Variants in DENND5A observed in about 807,000 individuals in gnomAD.
DENND5A encodes the protein DENN domain-containing protein 5A.
Under a neutral mutation model 140.3 loss-of-function variants are expected in DENND5A, and 64 were observed. That is an observed-to-expected ratio of 0.46 (90% CI 0.37 to 0.56). DENND5A has a LOEUF of 0.56. DENND5A is among the 20% of genes least tolerant of loss of function. DENND5A has a pLI of 0.00. For synonymous variants in DENND5A, 605 were observed against 607.7 expected, an observed-to-expected ratio of 1.00 and a Z score of 0.07; for missense variants, 1,292 against 1,593.8, an observed-to-expected ratio of 0.81 and a Z score of 3.22.
intron 1 of DENND5A, among the ~76,000 whole-genome samples, chr11:9,249,980 C>T (rs959358577): frequency 2.4e-4 from 36 of 151,650 alleles, no homozygotes; most frequent in African/African-American, 8.2e-4. Flanking sequence ...AGCCATCGCA[C>T]CTGGCCCAAT....
intron 4 of DENND5A, among the ~76,000 whole-genome samples, chr11:9,195,061 A>G (rs1454750472): frequency 2.1e-5 from 3 of 141,610 alleles, no homozygotes; most frequent in African/African-American, 7.9e-5. Flanking sequence ...ATATTGGTAC[A>G]GCCAATAAAA....
At chr11:9,165,750 T>C in intron 11 of DENND5A, 86 bp downstream of exon 11, 3 of 1,487,542 alleles carry the variant, frequency 2.0e-6, no homozygotes, top group Non-Finnish European at 1.9e-6. Flanking sequence ...ATTTTTAAAA[T>C]CCAGAGGGAG....
intron 1 of DENND5A, among the ~76,000 whole-genome samples, chr11:9,247,791 A>T (rs1851542599): frequency 6.6e-6 from 1 of 152,170 alleles, no homozygotes; most frequent in South Asian, 2.1e-4. Context: ...AATCTGCTAG[A>T]TCTGGGAAAG....
chr11:9,259,427 G>A (rs1204153587), intron 1 of DENND5A, among the ~76,000 whole-genome samples: 13 of 151,312 alleles, frequency 8.6e-5, no homozygotes, highest in African/African-American at 2.2e-4. Flanking sequence ...TTAGCCGGGC[G>A]TGGTGGTGGG....
intron 1 of DENND5A, among the ~76,000 whole-genome samples, chr11:9,246,545 G>A (rs910155413): frequency 6.7e-6 from 1 of 149,160 alleles, no homozygotes; most frequent in Non-Finnish European, 1.5e-5. Context: ...CCAGGGGGTG[G>A]AGGTTACAGT....
intron 1 of DENND5A, among the ~76,000 whole-genome samples, chr11:9,247,161 C>T (rs1035238910): frequency 4.0e-5 from 6 of 149,650 alleles, no homozygotes; most frequent in African/African-American, 7.4e-5. Context: ...ACCCGGGAGG[C>T]GGAGCTTGCA....
chr11:9,210,398 A>T (rs1849836241), intron 1 of DENND5A, among the ~76,000 whole-genome samples: 1 of 152,226 alleles, frequency 6.6e-6, no homozygotes, highest in Non-Finnish European at 1.5e-5. Flanking sequence ...ACTATGTGTG[A>T]GTCTATCTTT....
intron 5 of DENND5A, among the ~76,000 whole-genome samples, chr11:9,185,676 A>C (rs1004306595): frequency 6.6e-6 from 1 of 152,080 alleles, no homozygotes; most frequent in Non-Finnish European, 1.5e-5. Flanking sequence ...TAAGATGTAT[A>C]TGTGTCTGTG....
intron 10 of DENND5A, among the ~76,000 whole-genome samples, chr11:9,169,578 A>G (rs1222836096): frequency 6.6e-6 from 1 of 151,680 alleles, no homozygotes; most frequent in East Asian, 1.9e-4. Context: ...CAGACTCTTA[A>G]CTTCTGAGGT....
intron 11 of DENND5A, 91 bp downstream of exon 11, chr11:9,165,745 T>C (rs1279900894): frequency 6.8e-7 from 1 of 1,468,994 alleles, no homozygotes; most frequent in East Asian, 2.3e-5. Flanking sequence ...ACAGTATTTT[T>C]AAAATCCAGA....
At chr11:9,250,964 C>T (rs748342598) in intron 1 of DENND5A, among the ~76,000 whole-genome samples, 10 of 151,706 alleles carry the variant, frequency 6.6e-5, no homozygotes, top group Non-Finnish European at 1.0e-4. Context: ...GTGAAACCCC[C>T]TCTCTACTAA....
intron 1 of DENND5A, among the ~76,000 whole-genome samples, chr11:9,218,285 C>T (rs1850174809): frequency 6.6e-6 from 1 of 151,542 alleles, no homozygotes; most frequent in Non-Finnish European, 1.5e-5. Flanking sequence ...AAAAAACAAG[C>T]TTGTGGAAAT....
At position 9,180,935 on chromosome 11, in the gene DENND5A, A is replaced by G. The variant is rs1377359792; in HGVS notation, c.1287T>C (p.Ser429=). 1.9e-6 allele frequency: 3 copies of G among 1,614,170 alleles called. No individual in the cohort carries two copies. In the Admixed American group the frequency reaches 5.0e-5, roughly 27 times the overall value. The change falls in exon 6 of 23, where the codon AGT becomes AGC. Residue 429 remains serine (S), a synonymous_variant. Coordinates refer to ENST00000328194, the MANE Select transcript of DENND5A (RefSeq NM_015213.4). ...GIPPEGNLHC[S]ESASKLKRLR... Reference sequence around the variant, plus strand: ...GCCTCTTCAGCTTGGAGGCACTCTCACTGCAATGAAGATTCCCTTCAGGGG... The same window carrying G: ...GCCTCTTCAGCTTGGAGGCACTCTCGCTGCAATGAAGATTCCCTTCAGGGG...
chr11:9,143,547 G>A (rs535525981), intron 19 of DENND5A, 62 bp from the exon 20 acceptor site: 1 of 1,390,170 alleles, frequency 7.2e-7, no homozygotes, highest in African/African-American at 1.4e-5. Flanking sequence ...TTAGCTGCCT[G>A]AGCAGGAGAC....
chr11:9,261,331 T>C (rs1222983066), intron 1 of DENND5A, among the ~76,000 whole-genome samples: 1 of 152,170 alleles, frequency 6.6e-6, no homozygotes, highest in Non-Finnish European at 1.5e-5. Context: ...CCTTAATACC[T>C]TCTTGGAGAA....
chr11:9,193,693 A>G lies in DENND5A; in HGVS notation c.950-12T>C. On this transcript the variant is annotated splice_polypyrimidine_tract_variant and intron_variant, in intron 4 of 22. Coordinates refer to ENST00000328194, the MANE Select transcript of DENND5A (RefSeq NM_015213.4). ...CAGTCTCTGGTAATCTGGGTCAACAACAACAAAAAAAGCACACACACAAAT... is the reference window on the plus strand; with the variant it reads ...CAGTCTCTGGTAATCTGGGTCAACAGCAACAAAAAAAGCACACACACAAAT... 6.3e-7 allele frequency: 1 copy of G among 1,593,258 alleles called. No individual in the cohort carries two copies. The highest frequency in any genetic ancestry group is 8.5e-7 in the Non-Finnish European group (1 of 1,171,358).
intron 8 of DENND5A, among the ~76,000 whole-genome samples, chr11:9,177,299 G>A (rs1467363002): frequency 2.0e-5 from 3 of 151,002 alleles, no homozygotes; most frequent in African/African-American, 7.3e-5. Flanking sequence ...AGGTGGAATG[G>A]TGAATATAGC....
At chr11:9,262,853 T>C (rs2136311212) in intron 1 of DENND5A, among the ~76,000 whole-genome samples, 1 of 152,208 alleles carries the variant, frequency 6.6e-6, no homozygotes, top group African/African-American at 2.4e-5. Flanking sequence ...GCCATTCTCC[T>C]GCCTCAGCCT....
intron 4 of DENND5A, 169 bp downstream of exon 4, chr11:9,203,491 C>A: frequency 1.5e-6 from 1 of 651,672 alleles, no homozygotes. Flanking sequence ...ATCAGAAATA[C>A]TGGCCCTCTC....
Sources: allele counts gnomAD v4.1 joint callset (sites outside exome capture counted in the v4.1 genomes callset), GRCh38; gene constraint gnomAD v4.1.1; transcripts MANE v1.5; gene names NCBI Gene and HGNC (gene_info 2026-07-23, HGNC 2026-07-21).